CROCC2: variants seen among roughly 807,000 people sequenced by gnomAD.
CROCC2 encodes ciliary rootlet coiled-coil protein 2.
A neutral mutation model predicts 177.6 loss-of-function variants in CROCC2; 163 were observed. That is an observed-to-expected ratio of 0.92 (90% CI 0.81 to 1.05). The LOEUF (loss-of-function observed/expected upper bound fraction) is 1.05. Among genes scored for constraint, CROCC2 ranks in the 50% least tolerant of loss-of-function variants. The pLI is 0.00. For synonymous variants in CROCC2, 904 were observed against 787.3 expected (o/e 1.15, Z -2.48); for missense variants, 1,929 against 1,797.8 (o/e 1.07, Z -1.32).
chr2:240,966,550 G>A (rs2059686166), intron 25 of CROCC2, 141 bp downstream of exon 25: 2 of 397,094 alleles, frequency 5.0e-6, no homozygotes, highest in Non-Finnish European at 8.9e-6. Flanking sequence ...ATAAACACCA[G>A]CACCACCATG....
intron 15 of CROCC2, 135 bp downstream of exon 15, chr2:240,946,388 T>C (rs1199024777): frequency 6.5e-6 from 6 of 928,846 alleles, no homozygotes; most frequent in Non-Finnish European, 9.2e-6. Flanking sequence ...AAATGGGCTG[T>C]GAGTGGAGGC....
At chr2:240,992,686 T>C (rs1487408391) in intron 31 of CROCC2, among the ~76,000 whole-genome samples, 2 of 152,198 alleles carry the variant, frequency 1.3e-5, no homozygotes, top group African/African-American at 2.4e-5. Flanking sequence ...GGTGCCCCGA[T>C]AGGCACCCCC....
chr2:240,961,501 C>T (rs1259213238), intron 20 of CROCC2, among the ~76,000 whole-genome samples: 4 of 151,732 alleles, frequency 2.6e-5, no homozygotes, highest in African/African-American at 7.3e-5. Context: ...CATGCACACA[C>T]GTATGCACAC....
rs2059685006 is a variant in CROCC2 at position 240,966,401 on chromosome 2, CG to C, written c.4141del (p.Glu1381SerfsTer12). 2.5e-6 allele frequency: 1 copy of C among 401,262 alleles called. No homozygotes were observed. Among genetic ancestry groups the C allele is most frequent in the African/African-American group, 2.0e-5 (1 of 48,824 alleles). The allele number at this position is 401,262 out of a possible 1,614,324, so 24.9% of individuals were successfully genotyped here. Reference sequence around the variant, plus strand: ...TGTGCAGAAGCTCCGGGAAGCCCAGCGGGAGCGGGTAATGGGGGCTGGGGTC... The same window carrying C: ...TGTGCAGAAGCTCCGGGAAGCCCAGCGGAGCGGGTAATGGGGGCTGGGGTC... ...DFVQKLREAQ[R>X]ERDDSRIQMA... On this transcript the variant is annotated frameshift_variant, in exon 25 of 32. Transcript: ENST00000690015. LOFTEE classifies it high-confidence loss of function.
intron 14 of CROCC2, among the ~76,000 whole-genome samples, chr2:240,944,896 G>A (rs1177914082): frequency 1.3e-5 from 2 of 152,024 alleles, no homozygotes; most frequent in Non-Finnish European, 2.9e-5. Flanking sequence ...TTGATGATGC[G>A]ATTCTTCTTC....
At chr2:240,944,593 T>TTAATTAA (rs2059512838) in intron 14 of CROCC2, among the ~76,000 whole-genome samples, 1 of 152,078 alleles carries the variant, frequency 6.6e-6, no homozygotes, top group Non-Finnish European at 1.5e-5. Flanking sequence ...CCATTGTCTA[T>TTAATTAA]TAATTTTTTT....
intron 15 of CROCC2, among the ~76,000 whole-genome samples, chr2:240,946,873 G>A (rs1016707866): frequency 6.6e-6 from 1 of 152,266 alleles, no homozygotes; most frequent in African/African-American, 2.4e-5. Flanking sequence ...CATCCCTGGA[G>A]CCAGAAGCAG....
intron 25 of CROCC2, among the ~76,000 whole-genome samples, chr2:240,966,773 T>G (rs1430143845): frequency 1.3e-5 from 2 of 152,220 alleles, no homozygotes; most frequent in East Asian, 3.9e-4. Context: ...ACCCCTCCGG[T>G]GGGGCCAAGC....
rs1234145745 is a variant in CROCC2 at position 240,982,852 on chromosome 2, G to A, written c.4402-28G>A. ...GGGCCTCCCACCCCCAGTGTCTCCAGGTGGACCCTGTGTCTCCTTCCCCCC... is the reference window on the plus strand; with the variant it reads ...GGGCCTCCCACCCCCAGTGTCTCCAAGTGGACCCTGTGTCTCCTTCCCCCC... On this transcript the variant is annotated intron_variant, in intron 27 of 31. Transcript: ENST00000690015. This position sits in a 1 kb window ranked among gnomAD's most constrained non-coding sequence, Gnocchi z 4.7. 2 of 1,539,792 alleles carry A rather than the reference G, an allele frequency of 1.3e-6. No homozygotes were observed. Among genetic ancestry groups the A allele is most frequent in the Admixed American group, 2.0e-5 (1 of 50,320 alleles).
Position 240,933,758 on chromosome 2 carries a change from G to A in CROCC2, c.1552G>A (p.Ala518Thr), listed in dbSNP as rs1370093123. 13 of 1,549,590 alleles carry A rather than the reference G, an allele frequency of 8.4e-6. No individual in the cohort carries two copies. Among genetic ancestry groups the A allele is most frequent in the Admixed American group, 3.9e-5 (2 of 50,982 alleles). Residue 518 changes from alanine (A) to threonine (T), a missense_variant, in exon 11 of 32, where the codon GCT becomes ACT. Physicochemically the swap from Ala to Thr is moderately conservative, Grantham distance 58. Transcript: ENST00000690015. Reference sequence around the variant, plus strand: ...GGAGAAGCAGGGGCTGGAGGCCGAGGCTGCAGAGCTGCAGAGAAGCCTCCT... The same window carrying A: ...GGAGAAGCAGGGGCTGGAGGCCGAGACTGCAGAGCTGCAGAGAAGCCTCCT... Reference protein sequence around the residue: ...DAEKQGLEAEAAELQRSLLLQ... With the variant: ...DAEKQGLEAETAELQRSLLLQ...
intron 1 of CROCC2, among the ~76,000 whole-genome samples, chr2:240,914,599 G>A (rs1298529596): frequency 6.6e-6 from 1 of 152,224 alleles, no homozygotes; most frequent in Non-Finnish European, 1.5e-5. Flanking sequence ...GCTGGGAGCT[G>A]CCTCCATCCC....
At chr2:240,911,420 C>T (rs113294996) in intron 1 of CROCC2, among the ~76,000 whole-genome samples, 68 of 151,894 alleles carry the variant, frequency 4.5e-4, no homozygotes, top group African/African-American at 1.5e-3. Context: ...GCTTTAGCCT[C>T]CCCAGTAACT....
intron 27 of CROCC2, among the ~76,000 whole-genome samples, chr2:240,974,534 CTTTTTTT>C (rs61276773): frequency 7.4e-6 from 1 of 134,916 alleles, no homozygotes; most frequent in African/African-American, 2.8e-5. Flanking sequence ...TCTTTTTTTT[CTTTTTTT>C]TTTTTTTTTG....
rs1232389244 is a variant in CROCC2, at chr2:240,953,782, G to C, written c.2830-2077G>C. Among the ~76,000 whole-genome samples, 6 of 143,016 alleles carry C rather than the reference G, an allele frequency of 4.2e-5. No homozygotes were observed. Among genetic ancestry groups the C allele is most frequent in the Middle Eastern group, 3.3e-3 (1 of 304 alleles). 93.8% of individuals were successfully genotyped at this position (143,016 alleles called of 152,430 possible). A position where few individuals can be genotyped will look rare whatever the true frequency, so the allele number is the denominator to read the frequency against. On this transcript the variant is annotated intron_variant, in intron 18 of 31. Coordinates refer to ENST00000690015, the MANE Select transcript of CROCC2 (RefSeq NM_001351305.2). The surrounding 1 kb of genome is among the most constrained non-coding windows in gnomAD (Gnocchi z 4.0). ...AAGAGGAATTATATGTGGAGCAAGA[G>C]CCAAAGACCTGGAGCCGCTGGCCCA...
At chr2:240,948,075 G>A (rs1379321548) in intron 15 of CROCC2, among the ~76,000 whole-genome samples, 2 of 152,168 alleles carry the variant, frequency 1.3e-5, no homozygotes, top group African/African-American at 4.8e-5. Flanking sequence ...TTGAAGGAAA[G>A]GTTTCCTACA....
intron 30 of CROCC2, among the ~76,000 whole-genome samples, chr2:240,990,671 C>G (rs567242503): frequency 1.3e-5 from 2 of 152,332 alleles, no homozygotes; most frequent in Admixed American, 6.5e-5. Context: ...CAACCTCCAC[C>G]TGCTGGGTTC....
intron 27 of CROCC2, among the ~76,000 whole-genome samples, chr2:240,971,683 G>A (rs937285875): frequency 6.6e-6 from 1 of 152,024 alleles, no homozygotes; most frequent in Non-Finnish European, 1.5e-5. Flanking sequence ...TCTACCTTCT[G>A]TTTACAGAGG....
chr2:240,925,863 C>A lies in CROCC2; in HGVS notation c.628C>A (p.Arg210Ser). The change falls in exon 5 of 32, where the codon CGC becomes AGC. Residue 210 changes from arginine (R) to serine (S), a missense_variant. Coordinates refer to ENST00000690015, the MANE Select transcript of CROCC2 (RefSeq NM_001351305.2). ...QRLQGELELR[R>S]WAQRQTRSGG... ...CCTGCAGGGCGAGCTGGAGCTGAGG[C>A]GCTGGGCCCAGAGACAGGTGCTCCC... 1.4e-6 allele frequency: 1 copy of A among 713,802 alleles called. No individual in the cohort carries two copies. The highest frequency in any genetic ancestry group is 2.6e-6 in the Non-Finnish European group (1 of 383,928). The allele number at this position is 713,802 out of a possible 1,614,324, so 44.2% of individuals were successfully genotyped here.
chr2:240,943,777 G>A lies in CROCC2; in HGVS notation c.2170-2283G>A, dbSNP rs192076937. On this transcript the variant is annotated intron_variant, in intron 14 of 31. Coordinates refer to ENST00000690015, the MANE Select transcript of CROCC2 (RefSeq NM_001351305.2). The stretch of plus-strand genomic sequence containing the variant: ...TTACAGGCATTAGCCACCAAGCCCG[G>A]CCTAAAGCTTTATTCTTGGATACTG... 2.6e-5 allele frequency among the ~76,000 whole-genome samples: 4 copies of A among 152,242 alleles called. No individual in the cohort carries two copies. The East Asian group carries it at 7.7e-4, about 29-fold the overall frequency.
Sources: gnomAD v4.1 joint callset for allele counts (sites outside exome capture counted in the v4.1 genomes callset) on GRCh38, gnomAD v4.1.1 for gene constraint, Gnocchi (gnomAD v3.1) non-coding constraint, MANE v1.5 for transcripts, NCBI Gene and HGNC (gene_info 2026-07-23, HGNC 2026-07-21) for gene names.